Variants in TTC7A observed in about 807,000 individuals in gnomAD.
TTC7A encodes the protein tetratricopeptide repeat protein 7A.
A neutral mutation model predicts 103.7 loss-of-function variants in TTC7A; 110 were observed. The observed-to-expected ratio is 1.06, with a 90% CI of 0.91 to 1.24. The LOEUF is 1.24. TTC7A is among the 50% of genes most tolerant of loss of function. The pLI is 0.00. For synonymous variants in TTC7A, 521 were observed against 467.9 expected (o/e 1.11, Z -1.47); for missense variants, 1,340 against 1,116.3 (o/e 1.20, Z -2.86).
intron 1 of TTC7A, among the ~76,000 whole-genome samples, chr2:46,949,825 A>G (rs1671254302): frequency 6.6e-6 from 1 of 152,156 alleles, no homozygotes; most frequent in Non-Finnish European, 1.5e-5. Context: ...TGGGAGTGCC[A>G]TGATCATGCC....
intron 5 of TTC7A, among the ~76,000 whole-genome samples, chr2:46,983,805 A>G (rs1375180639): frequency 1.3e-5 from 2 of 152,198 alleles, no homozygotes; most frequent in African/African-American, 4.8e-5. Context: ...TGCCCTTTAG[A>G]GAAAACAGTT....
intron 10 of TTC7A, among the ~76,000 whole-genome samples, chr2:47,008,342 G>C (rs1332513892): frequency 6.6e-6 from 1 of 152,118 alleles, no homozygotes; most frequent in East Asian, 1.9e-4. Context: ...TCCGAGAGAG[G>C]CTCCTAGACG....
chr2:46,955,989 A>G (rs1671822871), intron 2 of TTC7A, among the ~76,000 whole-genome samples: 1 of 152,168 alleles, frequency 6.6e-6, no homozygotes, highest in Admixed American at 6.5e-5. Flanking sequence ...GGTTACAAGG[A>G]GAACTGGGGC....
At chr2:46,958,619 T>A (rs1672105525) in intron 3 of TTC7A, 2 of 1,135,836 alleles carry the variant, frequency 1.8e-6, no homozygotes, top group Admixed American at 2.6e-5. Context: ...CGTTCCCCAG[T>A]GACTGCACAT....
intron 2 of TTC7A, among the ~76,000 whole-genome samples, chr2:46,920,486 C>G (rs775877213): frequency 2.6e-5 from 4 of 151,782 alleles, no homozygotes; most frequent in Admixed American, 2.0e-4. Flanking sequence ...ACAACCACCA[C>G]GCCCAGCTAA....
intron 5 of TTC7A, among the ~76,000 whole-genome samples, chr2:46,979,426 G>A (rs1053503477): frequency 6.6e-6 from 1 of 152,164 alleles, no homozygotes; most frequent in African/African-American, 2.4e-5. Context: ...CGCTGGGGCT[G>A]TGGCTGTCCC....
chr2:47,006,315 G>C (rs907168742), intron 9 of TTC7A, among the ~76,000 whole-genome samples: 2 of 152,224 alleles, frequency 1.3e-5, no homozygotes, highest in African/African-American at 2.4e-5. Flanking sequence ...AATAATAAAT[G>C]TTCGCTGCTA....
chr2:46,948,652 G>T (rs1256409937), intron 1 of TTC7A, among the ~76,000 whole-genome samples: 1 of 152,076 alleles, frequency 6.6e-6, no homozygotes, highest in Non-Finnish European at 1.5e-5. Context: ...TAAAGACGAG[G>T]TCTCCCTATG....
At chr2:46,954,663 C>A (rs1469022073) in intron 2 of TTC7A, among the ~76,000 whole-genome samples, 1 of 151,312 alleles carries the variant, frequency 6.6e-6, no homozygotes, top group African/African-American at 2.4e-5. Context: ...CCTCCGCCTC[C>A]CGGGTTCAAG....
At chr2:46,944,046 A>G (rs976423116) in intron 1 of TTC7A, among the ~76,000 whole-genome samples, 34 of 152,090 alleles carry the variant, frequency 2.2e-4, no homozygotes, top group African/African-American at 7.2e-4. Flanking sequence ...TCACCACCCA[A>G]CCAGGGGTAA....
intron 5 of TTC7A, among the ~76,000 whole-genome samples, chr2:46,991,356 C>T (rs1317790732): frequency 6.6e-6 from 1 of 151,154 alleles, no homozygotes; most frequent in South Asian, 2.1e-4. Context: ...TCTGGCCAGG[C>T]GTGGTGGTGG....
intron 3 of TTC7A, among the ~76,000 whole-genome samples, chr2:46,960,293 A>G: frequency 6.6e-6 from 1 of 152,158 alleles, no homozygotes; most frequent in East Asian, 1.9e-4. Context: ...AGCTGCTCCC[A>G]AGTCACCTAT....
At chr2:46,951,583 C>A in intron 2 of TTC7A, 1 of 449,116 alleles carries the variant, frequency 2.2e-6, no homozygotes, top group South Asian at 1.6e-5. Flanking sequence ...GTCTTTCTGT[C>A]TGTCTTTATT....
intron 15 of TTC7A, chr2:47,045,419 A>C (rs1277930245): frequency 6.6e-6 from 1 of 152,206 alleles, no homozygotes; most frequent in Non-Finnish European, 1.5e-5. Flanking sequence ...GGGTAGAGGG[A>C]GGGAGCCAGC....
At position 47,046,342 on chromosome 2, in the gene TTC7A, G is replaced by C; in HGVS notation, c.1830G>C (p.Glu610Asp). The C allele has an allele frequency of 6.2e-7, 1 of 1,614,174 alleles. No individual in the cohort carries two copies. The highest frequency in any genetic ancestry group is 8.5e-7 in the Non-Finnish European group (1 of 1,180,028). The stretch of plus-strand genomic sequence containing the variant: ...TGATGTTCACCAAGGTGAAGCTGGA[G>C]CAGGTGCTGAAAGGCCCAGAGGAAG... Reference protein sequence around the residue: ...FNLMFTKVKLEQVLKGPEEAL... With the variant: ...FNLMFTKVKLDQVLKGPEEAL... The change falls in exon 16 of 20, where the codon GAG becomes GAC. Residue 610 changes from glutamate (E) to aspartate (D), a missense_variant. Transcript: ENST00000319190.
intron 15 of TTC7A, among the ~76,000 whole-genome samples, chr2:47,044,275 CT>C (rs1406590225): frequency 6.6e-6 from 1 of 152,232 alleles, no homozygotes; most frequent in Non-Finnish European, 1.5e-5. Flanking sequence ...AAATTCAGCC[CT>C]TGATTCTCTG....
At chr2:47,050,598 G>C (rs1682774496) in intron 17 of TTC7A, 1 of 153,518 alleles carries the variant, frequency 6.5e-6, no homozygotes, top group Non-Finnish European at 1.5e-5. Context: ...TGTGAGTGGA[G>C]TTGTATTTAG....
intron 8 of TTC7A, among the ~76,000 whole-genome samples, chr2:47,000,898 T>G (rs964468223): frequency 2.6e-5 from 4 of 152,114 alleles, no homozygotes; most frequent in Non-Finnish European, 5.9e-5. Flanking sequence ...TGTGTTTTGC[T>G]TCAGTTCTTT....
intron 2 of TTC7A, chr2:46,951,596 C>A (rs1572702376): frequency 4.5e-6 from 2 of 448,168 alleles, no homozygotes; most frequent in South Asian, 1.6e-5. Flanking sequence ...TCTTTATTTT[C>A]TTCAGGGTCT....
Sources: gnomAD v4.1 joint callset for allele counts (sites outside exome capture counted in the v4.1 genomes callset) on GRCh38, gnomAD v4.1.1 for gene constraint, MANE v1.5 for transcripts, NCBI Gene and HGNC (gene_info 2026-07-23, HGNC 2026-07-21) for gene names.